Variants in LINGO2 observed in about 807,000 individuals in gnomAD.
The protein encoded by LINGO2 is leucine rich repeat and Ig domain containing 2.
LINGO2 carries 14 observed loss-of-function variants against 30.6 expected under a neutral mutation model. The observed-to-expected ratio is 0.46, with a 90% CI of 0.30 to 0.72. The LOEUF (loss-of-function observed/expected upper bound fraction) is 0.72, where lower values mean the gene tolerates loss of function less well. Among genes scored for constraint, LINGO2 ranks in the 30% least tolerant of loss-of-function variants. LINGO2 has a pLI of 0.07. For missense variants in LINGO2, 729 were observed against 751.7 expected (o/e 0.97, Z 0.35); for synonymous variants, 317 against 288.5 (o/e 1.10, Z -1.00).
At chr9:28,900,933 T>C in the LINGO2 span, among the ~76,000 whole-genome samples, 43 of 151,916 alleles carry the variant, frequency 2.8e-4, no homozygotes, top group African/African-American at 1.0e-3. Flanking sequence ...GTGACGAAAG[T>C]AAGAAATTGG....
chr9:28,187,353 G>A (rs528158359), intron 4 of LINGO2, among the ~76,000 whole-genome samples: 22 of 152,082 alleles, frequency 1.4e-4, no homozygotes, highest in Non-Finnish European at 2.5e-4. Context: ...ACCTGAGCAT[G>A]GTCGCAAGGG....
intron 1 of LINGO2, among the ~76,000 whole-genome samples, chr9:28,571,730 CTCA>C (rs1232269198): frequency 1.3e-5 from 2 of 151,496 alleles, no homozygotes; most frequent in Non-Finnish European, 2.9e-5. Context: ...ATGGGCTTAC[CTCA>C]TCATCATTCA....
the LINGO2 span, among the ~76,000 whole-genome samples, chr9:29,153,657 C>A: frequency 1.3e-5 from 2 of 152,188 alleles, no homozygotes; most frequent in East Asian, 3.9e-4. Flanking sequence ...AAAAAATACA[C>A]CCAACAAATA....
intron 1 of LINGO2, chr9:28,598,544 G>T (rs1385053029): frequency 6.6e-6 from 1 of 152,198 alleles, no homozygotes; most frequent in South Asian, 2.1e-4. Flanking sequence ...TGCCAAATGA[G>T]CCTGCCAGGA....
the LINGO2 span, among the ~76,000 whole-genome samples, chr9:28,805,077 T>G: frequency 1.3e-5 from 2 of 152,162 alleles, no homozygotes; most frequent in Non-Finnish European, 2.9e-5. Context: ...AGTCTATAGT[T>G]TCTTAATAAT....
chr9:28,823,242 A>T, the LINGO2 span, among the ~76,000 whole-genome samples: 1 of 152,192 alleles, frequency 6.6e-6, no homozygotes, highest in African/African-American at 2.4e-5. Context: ...AGGGGGAATT[A>T]TAAATAAAAG....
the LINGO2 span, among the ~76,000 whole-genome samples, chr9:29,086,888 G>T: frequency 6.8e-6 from 1 of 146,208 alleles, no homozygotes. Flanking sequence ...ATTAAGAGCA[G>T]TGATTTTTTT....
the LINGO2 span, among the ~76,000 whole-genome samples, chr9:29,075,077 T>G: frequency 6.6e-6 from 1 of 152,202 alleles, no homozygotes; most frequent in Non-Finnish European, 1.5e-5. Context: ...TTGTATTGTC[T>G]GTTTTGAAAA....
chr9:28,955,530 T>C, the LINGO2 span, among the ~76,000 whole-genome samples: 2 of 152,084 alleles, frequency 1.3e-5, no homozygotes, highest in Admixed American at 6.6e-5. Context: ...CCTAGGAATC[T>C]GCAGCATAAA....
chr9:28,040,527 GTTTC>G (rs67422049), intron 4 of LINGO2, among the ~76,000 whole-genome samples: 112,824 of 150,038 alleles, frequency 0.75, 43,814 homozygotes, highest in Non-Finnish European at 0.86. Context: ...GTTCATGGCA[GTTTC>G]TTTATCTGAA....
At chr9:29,110,154 C>T in the LINGO2 span, among the ~76,000 whole-genome samples, 1 of 152,162 alleles carries the variant, frequency 6.6e-6, no homozygotes, top group Non-Finnish European at 1.5e-5. Flanking sequence ...AAATTGGATA[C>T]TTTAGAAATA....
At chr9:27,988,981 G>A (rs1477852916) in intron 5 of LINGO2, among the ~76,000 whole-genome samples, 1 of 151,852 alleles carries the variant, frequency 6.6e-6, no homozygotes, top group Non-Finnish European at 1.5e-5. Context: ...TCTCTTGCTT[G>A]AATGACTGCA....
intron 1 of LINGO2, among the ~76,000 whole-genome samples, chr9:28,551,312 T>C (rs1822266571): frequency 6.6e-6 from 1 of 151,826 alleles, no homozygotes; most frequent in South Asian, 2.1e-4. Context: ...TAAATGGCCT[T>C]GTATCCATCA....
the LINGO2 span, among the ~76,000 whole-genome samples, chr9:28,850,659 A>G: frequency 6.6e-6 from 1 of 152,166 alleles, no homozygotes; most frequent in South Asian, 2.1e-4. Flanking sequence ...AGGGTCTTGA[A>G]ACAAGGTCAA....
chr9:27,938,880 T>C, the LINGO2 span: 3 of 152,136 alleles, frequency 2.0e-5, no homozygotes, highest in Admixed American at 6.6e-5. Flanking sequence ...AATTGGAAAA[T>C]TAAATTTTCT....
chr9:28,324,146 G>C (rs1160634208), intron 3 of LINGO2, among the ~76,000 whole-genome samples: 1 of 152,136 alleles, frequency 6.6e-6, no homozygotes, highest in Non-Finnish European at 1.5e-5. Flanking sequence ...AAGCAAGCAA[G>C]TTTAGGATTG....
intron 1 of LINGO2, among the ~76,000 whole-genome samples, chr9:28,503,956 G>A (rs1159930661): frequency 1.3e-5 from 2 of 151,910 alleles, no homozygotes; most frequent in African/African-American, 2.4e-5. Flanking sequence ...TATGAAGACA[G>A]TTTTGGGGGT....
chr9:28,526,078 C>G (rs1429459282), intron 1 of LINGO2, among the ~76,000 whole-genome samples: 1 of 74,240 alleles, frequency 1.3e-5, no homozygotes, highest in Non-Finnish European at 2.7e-5. Context: ...AAAAAAAAAG[C>G]CATTGAGTTA....
At chr9:28,055,612 T>C (rs1448434201) in intron 4 of LINGO2, among the ~76,000 whole-genome samples, 2 of 152,164 alleles carry the variant, frequency 1.3e-5, no homozygotes, top group Non-Finnish European at 2.9e-5. Context: ...TTTCTCTCTA[T>C]CATAGGCTTA....
Sources: gnomAD v4.1 joint callset for allele counts (sites outside exome capture counted in the v4.1 genomes callset) on GRCh38, gnomAD v4.1.1 for gene constraint, MANE v1.5 for transcripts, NCBI Gene and HGNC (gene_info 2026-07-23, HGNC 2026-07-21) for gene names.